CALCR: variants seen among roughly 807,000 people sequenced by gnomAD.
CALCR encodes the protein calcitonin receptor.
Under a neutral mutation model 59.5 loss-of-function variants are expected in CALCR, and 47 were observed. The observed-to-expected ratio is 0.79, with a 90% CI of 0.63 to 1.01. The LOEUF (loss-of-function observed/expected upper bound fraction) is 1.01. CALCR is among the 50% of genes least tolerant of loss of function. CALCR has a pLI of 0.00. For synonymous variants in CALCR, 213 were observed against 211.3 expected (o/e 1.01, Z -0.07); for missense variants, 566 against 597.1 (o/e 0.95, Z 0.54).
rs913783587 is a variant in CALCR, at chr7:93,494,054, G to A, written c.-26-7047C>T. 2.0e-5 allele frequency among the ~76,000 whole-genome samples: 3 copies of A among 151,522 alleles called. No homozygotes were observed. The South Asian group carries it at 6.2e-4, about 31-fold the overall frequency. ...TCCTGTAATGTAGCCTCTGAGAGAAGAAGGATATGTAGAACACCACGGGTG... is the reference window on the plus strand; with the variant it reads ...TCCTGTAATGTAGCCTCTGAGAGAAAAAGGATATGTAGAACACCACGGGTG... On this transcript the variant is annotated intron_variant, in intron 2 of 13. Transcript: ENST00000426151.
rs1294082581 is a variant in CALCR at position 93,487,048 on chromosome 7, T to C, written c.-26-41A>G. ...AGCAACAAAGACTAAAATTAATATA[T>C]CTCTAATATTGGCTATGGCATTTCA... On this transcript the variant is annotated intron_variant, in intron 2 of 13. Transcript: ENST00000426151. The C allele has an allele frequency of 3.0e-6, 3 of 1,012,918 alleles. No homozygotes were observed. In the East Asian group the frequency reaches 7.4e-5, roughly 25 times the overall value. 62.7% of individuals were successfully genotyped at this position (1,012,918 alleles called of 1,614,324 possible). A position where few individuals can be genotyped will look rare whatever the true frequency, so the allele number is the denominator to read the frequency against.
intron 2 of CALCR, among the ~76,000 whole-genome samples, chr7:93,500,836 AG>A (rs1801306766): frequency 4.6e-5 from 7 of 151,996 alleles, no homozygotes; most frequent in Admixed American, 4.6e-4. Flanking sequence ...ACCTTATAAA[AG>A]ACAAGCTTGC....
intron 8 of CALCR, among the ~76,000 whole-genome samples, chr7:93,445,926 A>G (rs888943750): frequency 2.0e-5 from 3 of 152,056 alleles, no homozygotes; most frequent in African/African-American, 7.2e-5. Flanking sequence ...GGCACTAAAT[A>G]GACCACAAAA....
chr7:93,553,617 C>T (rs879879013), intron 2 of CALCR, among the ~76,000 whole-genome samples: 8 of 151,982 alleles, frequency 5.3e-5, no homozygotes, highest in Admixed American at 2.0e-4. Context: ...AAGTTACTGA[C>T]GGTTTCTGTG....
chr7:93,426,405 C>T lies in CALCR; in HGVS notation c.1376G>A (p.Ser459Asn), dbSNP rs759332372. The T allele has an allele frequency of 1.5e-5, 25 of 1,613,664 alleles. No homozygotes were observed. Among genetic ancestry groups the T allele is most frequent in the Non-Finnish European group, 1.9e-5 (22 of 1,179,706 alleles). Residue 459 changes from serine (S) to asparagine (N), a missense_variant, in exon 14 of 14, where the codon AGT (serine) becomes AAT (asparagine). By Grantham distance (46) the Ser-to-Asn change is conservative. Coordinates refer to ENST00000426151, the MANE Select transcript of CALCR (RefSeq NM_001742.4). The part of the protein sequence containing the change: ...NEPANNQGEE[S>N]AEIIPLNIIE... ...GATATTCAAAGGGATGATCTCAGCA[C>T]TCTCCTCGCCTTGGTTGTTGGCTGG...
intron 8 of CALCR, among the ~76,000 whole-genome samples, chr7:93,444,080 T>G (rs1247552746): frequency 6.6e-6 from 1 of 152,174 alleles, no homozygotes; most frequent in Non-Finnish European, 1.5e-5. Flanking sequence ...CATCTAAGGA[T>G]TTGATGCATG....
intron 3 of CALCR, among the ~76,000 whole-genome samples, chr7:93,480,990 T>A (rs1417731998): frequency 6.6e-6 from 1 of 151,788 alleles, no homozygotes; most frequent in East Asian, 1.9e-4. Flanking sequence ...AATCTTCAGA[T>A]AACAAAAAAA....
At chr7:93,433,932 T>C (rs749952941) in intron 13 of CALCR, among the ~76,000 whole-genome samples, 27 of 152,194 alleles carry the variant, frequency 1.8e-4, no homozygotes, top group Non-Finnish European at 3.2e-4. Context: ...AGGGCTCGGG[T>C]CTTCCGAAGG....
chr7:93,530,011 GA>G (rs1448803924), intron 2 of CALCR, among the ~76,000 whole-genome samples: 1 of 151,998 alleles, frequency 6.6e-6, no homozygotes, highest in Non-Finnish European at 1.5e-5. Flanking sequence ...TTCATAGCAT[GA>G]TCTCTCAGGT....
intron 13 of CALCR, among the ~76,000 whole-genome samples, chr7:93,431,248 C>T (rs17165412): frequency 0.061 from 9,251 of 152,264 alleles, 408 homozygotes; most frequent in Admixed American, 0.14. Context: ...TTCTTAGGAA[C>T]CCTCCATTAC....
chr7:93,474,314 C>T (rs1299001289), intron 5 of CALCR, among the ~76,000 whole-genome samples: 1 of 151,538 alleles, frequency 6.6e-6, no homozygotes, highest in Non-Finnish European at 1.5e-5. Context: ...TAGCAAACAA[C>T]TAAAATGGCA....
chr7:93,531,967 T>C (rs1788853603), intron 2 of CALCR, among the ~76,000 whole-genome samples: 1 of 151,472 alleles, frequency 6.6e-6, no homozygotes, highest in Admixed American at 6.6e-5. Flanking sequence ...TGAATGTGAT[T>C]AACATATACT....
intron 13 of CALCR, among the ~76,000 whole-genome samples, chr7:93,433,966 G>T (rs1799714037): frequency 6.6e-6 from 1 of 152,196 alleles, no homozygotes; most frequent in Non-Finnish European, 1.5e-5. Flanking sequence ...ACTTCTCTTT[G>T]TGATGGCATC....
chr7:93,469,867 G>A (rs551553661), intron 6 of CALCR, among the ~76,000 whole-genome samples: 1 of 151,734 alleles, frequency 6.6e-6, no homozygotes, highest in East Asian at 2.0e-4. Flanking sequence ...TGAATTCCTG[G>A]AATAAATGTA....
chr7:93,564,645 G>T (rs1287008446), intron 2 of CALCR, among the ~76,000 whole-genome samples: 1 of 151,862 alleles, frequency 6.6e-6, no homozygotes. Flanking sequence ...GTAGAGACGG[G>T]GTTTCGCTAT....
In CALCR at chr7:93,473,059, C is replaced by T. The variant is rs141150517; in HGVS notation, c.317-572G>A. Among the ~76,000 whole-genome samples, 708 of 151,782 alleles carry T rather than the reference C, an allele frequency of 4.7e-3. 6 individuals are homozygous for T. Among genetic ancestry groups the T allele is most frequent in the African/African-American group, 0.017 (685 of 41,494 alleles). ...ATATATCAAGAGGCCATTTTTCTGCCTCTCAAGAGATTTCATTTGAATCAT... is the reference window on the plus strand; with the variant it reads ...ATATATCAAGAGGCCATTTTTCTGCTTCTCAAGAGATTTCATTTGAATCAT... On this transcript the variant is annotated intron_variant, in intron 5 of 13. Coordinates refer to ENST00000426151, the MANE Select transcript of CALCR (RefSeq NM_001742.4).
intron 6 of CALCR, among the ~76,000 whole-genome samples, chr7:93,470,752 A>AT (rs1045452800): frequency 6.7e-6 from 1 of 149,660 alleles, no homozygotes; most frequent in Non-Finnish European, 1.5e-5. Flanking sequence ...TTTTATTTTT[A>AT]TTTTTTCAAT....
In CALCR at chr7:93,443,731, G is replaced by A; in HGVS notation, c.675C>T (p.Phe225=). The A allele has an allele frequency of 6.2e-7, 1 of 1,612,984 alleles. No individual in the cohort carries two copies. Among genetic ancestry groups the A allele is most frequent in the Non-Finnish European group, 8.5e-7 (1 of 1,179,306 alleles). ...DPVSCKILHF[F]HQYMMACNYF... is the part of the protein sequence containing the mutation. ...AGTTGCAGGCCATCATGTACTGGTG[G>A]AAAAAATGCAAAATCTTGCAGCTCA... Residue 225 remains phenylalanine (F), a synonymous_variant, in exon 9 of 14, where the codon TTC becomes TTT. Coordinates refer to ENST00000426151, the MANE Select transcript of CALCR (RefSeq NM_001742.4).
At chr7:93,437,959 C>T (rs1016001378) in intron 11 of CALCR, 101 bp downstream of exon 11, 2 of 1,070,360 alleles carry the variant, frequency 1.9e-6, no homozygotes, top group Non-Finnish European at 2.8e-6. Flanking sequence ...AAATTAGCTT[C>T]ATTTTGAAGT....
Sources: allele counts gnomAD v4.1 joint callset (sites outside exome capture counted in the v4.1 genomes callset), GRCh38; gene constraint gnomAD v4.1.1; transcripts MANE v1.5; gene names NCBI Gene and HGNC (gene_info 2026-07-23, HGNC 2026-07-21).